The following SGCD variants were observed in gnomAD, a reference collection of about 807,000 sequenced individuals.
SGCD encodes sarcoglycan delta, also known as delta-sarcoglycan.
A neutral mutation model predicts 36.6 loss-of-function variants in SGCD; 18 were observed. That is an observed-to-expected ratio of 0.49 (90% CI 0.34 to 0.73). SGCD has a LOEUF of 0.73. Ranked by LOEUF, SGCD falls within the 30% of genes least tolerant of loss-of-function variation. The pLI, the probability that SGCD is intolerant of heterozygous loss-of-function variation, is 0.01. For missense variants in SGCD, 387 were observed against 346.7 expected (o/e 1.12, Z -0.92); for synonymous variants, 133 against 130.6 (o/e 1.02, Z -0.12).
At chr5:156,089,038 T>C (rs1307520592) in intron 1 of SGCD, among the ~76,000 whole-genome samples, 1 of 152,200 alleles carries the variant, frequency 6.6e-6, no homozygotes, top group East Asian at 1.9e-4. Context: ...GTCCCCTGGA[T>C]GGAACAGGTA....
intron 6 of SGCD, among the ~76,000 whole-genome samples, chr5:156,623,097 T>C (rs1294327759): frequency 6.6e-6 from 1 of 151,664 alleles, no homozygotes; most frequent in African/African-American, 2.4e-5. Context: ...TATTATATGA[T>C]ATGTGTGTAT....
At chr5:156,608,380 C>G (rs1355238295) in intron 6 of SGCD, among the ~76,000 whole-genome samples, 6 of 152,158 alleles carry the variant, frequency 3.9e-5, no homozygotes, top group African/African-American at 1.4e-4. Flanking sequence ...ATCCTGAGTT[C>G]TAGTTTGATT....
chr5:156,635,227 A>C (rs2113544917), intron 6 of SGCD, among the ~76,000 whole-genome samples: 1 of 152,262 alleles, frequency 6.6e-6, no homozygotes, highest in African/African-American at 2.4e-5. Flanking sequence ...TGGCCCTAAA[A>C]GTTTTTTTAA....
chr5:156,657,666 G>A (rs1010668466), intron 7 of SGCD, among the ~76,000 whole-genome samples: 1 of 152,130 alleles, frequency 6.6e-6, no homozygotes, highest in African/African-American at 2.4e-5. Flanking sequence ...GGGAGGCTGA[G>A]GCAGGAGAAT....
chr5:156,734,037 G>A (rs1338581274), intron 7 of SGCD, among the ~76,000 whole-genome samples: 1 of 152,034 alleles, frequency 6.6e-6, no homozygotes, highest in East Asian at 1.9e-4. Context: ...TGTAGTGGCT[G>A]GTAATGATCT....
chr5:156,364,733 A>G (rs73291247), intron 3 of SGCD, among the ~76,000 whole-genome samples: 2 of 152,220 alleles, frequency 1.3e-5, no homozygotes, highest in Non-Finnish European at 2.9e-5. Context: ...GTGACAGGAC[A>G]GTGCTTCAAG....
chr5:156,078,539 T>A (rs893567491), intron 1 of SGCD, among the ~76,000 whole-genome samples: 17 of 139,574 alleles, frequency 1.2e-4, no homozygotes, highest in African/African-American at 2.4e-4. Flanking sequence ...ATATATATAT[T>A]TATTTATATA....
intron 4 of SGCD, among the ~76,000 whole-genome samples, chr5:156,516,333 A>C (rs1013908652): frequency 3.3e-5 from 5 of 152,246 alleles, no homozygotes; most frequent in Non-Finnish European, 7.3e-5. Context: ...GAAGGAGCAG[A>C]CAGCCGTCCT....
intron 3 of SGCD, among the ~76,000 whole-genome samples, chr5:156,488,163 G>GA (rs1451062056): frequency 1.6e-5 from 2 of 127,384 alleles, no homozygotes; most frequent in African/African-American, 5.7e-5. Flanking sequence ...AGAAAACAGT[G>GA]AAAAAAGTCT....
At chr5:155,878,103 G>A (rs1317626321) in intron 1 of SGCD, among the ~76,000 whole-genome samples, 1 of 151,976 alleles carries the variant, frequency 6.6e-6, no homozygotes, top group East Asian at 1.9e-4. Flanking sequence ...TGGCAGAACT[G>A]GAATTTTAAA....
At chr5:156,082,432 T>C (rs1271520628) in intron 1 of SGCD, among the ~76,000 whole-genome samples, 1 of 152,218 alleles carries the variant, frequency 6.6e-6, no homozygotes, top group Non-Finnish European at 1.5e-5. Flanking sequence ...CTGTCTTCCA[T>C]TTCTAAAAAT....
At chr5:155,836,197 G>T in the SGCD span, among the ~76,000 whole-genome samples, 1 of 152,062 alleles carries the variant, frequency 6.6e-6, no homozygotes, top group South Asian at 2.1e-4. Context: ...GAGATAGCTG[G>T]ACCTCCATGG....
chr5:155,967,005 TTGTG>T (rs1229113558), intron 1 of SGCD, among the ~76,000 whole-genome samples: 4 of 150,980 alleles, frequency 2.6e-5, no homozygotes, highest in Non-Finnish European at 4.4e-5. Context: ...ATGTGTGTAT[TTGTG>T]TGTGTATGTG....
At chr5:156,182,647 A>G (rs575176627) in intron 3 of SGCD, among the ~76,000 whole-genome samples, 1 of 152,158 alleles carries the variant, frequency 6.6e-6, no homozygotes, top group African/African-American at 2.4e-5. Context: ...ATCCATTCAT[A>G]TATGGTCACC....
At chr5:156,011,465 G>A (rs947118927) in intron 1 of SGCD, among the ~76,000 whole-genome samples, 2 of 150,748 alleles carry the variant, frequency 1.3e-5, no homozygotes. Context: ...TTTTTTAGAT[G>A]AGTCTCGGTC....
rs543537237 is a variant in SGCD at position 156,110,066 on chromosome 5, T to C, written c.-281-7812T>C. On this transcript the variant is annotated intron_variant, in intron 1 of 9. Coordinates refer to the SGCD transcript ENST00000517913. The stretch of plus-strand genomic sequence containing the variant: ...GGGGTCAGTGACAAAGTATAATATT[T>C]AAGGTATCCCTTTGCATCTGACTTC... Among the ~76,000 whole-genome samples the C allele has an allele frequency of 2.0e-4, 31 of 152,332 alleles. No homozygotes were observed. The East Asian group carries it at 6.0e-3, about 29-fold the overall frequency.
rs987500970 is a variant in SGCD at position 156,280,055 on chromosome 5, C to G, written c.-43-49479C>G. On this transcript the variant is annotated intron_variant, in intron 3 of 9. Coordinates refer to the SGCD transcript ENST00000517913. The stretch of plus-strand genomic sequence containing the variant: ...TTGTCTCCCTCATTTCTAAAAATAG[C>G]TTACTATGGATGCATTGTCTAGTCT... Among the ~76,000 whole-genome samples, 12 of 152,058 alleles carry G rather than the reference C, an allele frequency of 7.9e-5. No individual in the cohort carries two copies. The East Asian group carries it at 2.3e-3, about 29-fold the overall frequency.
At chr5:156,045,331 A>G (rs1394502863) in intron 1 of SGCD, among the ~76,000 whole-genome samples, 1 of 152,192 alleles carries the variant, frequency 6.6e-6, no homozygotes, top group Non-Finnish European at 1.5e-5. Flanking sequence ...AGATAATACT[A>G]TACATACTGT....
intron 3 of SGCD, among the ~76,000 whole-genome samples, chr5:156,421,763 C>G (rs557744146): frequency 1.3e-5 from 2 of 152,108 alleles, no homozygotes; most frequent in South Asian, 4.2e-4. Context: ...ACTGAAAAAG[C>G]AGGGGGAATT....
Sources: allele counts gnomAD v4.1 joint callset (sites outside exome capture counted in the v4.1 genomes callset), GRCh38; gene constraint gnomAD v4.1.1; transcripts MANE v1.5; gene names NCBI Gene and HGNC (gene_info 2026-07-23, HGNC 2026-07-21).